ROBO2: variants seen among roughly 807,000 people sequenced by gnomAD.
ROBO2 encodes roundabout guidance receptor 2, also known as roundabout homolog 2.
Under a neutral mutation model 160.8 loss-of-function variants are expected in ROBO2, and 53 were observed. The ratio of observed to expected loss-of-function variants is 0.33; its 90% CI spans 0.26 to 0.41. The LOEUF is 0.41. Among genes scored for constraint, ROBO2 ranks in the 10% least tolerant of loss-of-function variants. ROBO2 has a pLI of 1.00. For synonymous variants in ROBO2, 664 were observed against 611.7 expected (o/e 1.09, Z -1.26); for missense variants, 1,577 against 1,722.4 (o/e 0.92, Z 1.49).
intron 2 of ROBO2, among the ~76,000 whole-genome samples, chr3:76,063,532 G>T (rs1398383102): frequency 4.0e-5 from 6 of 150,812 alleles, no homozygotes; most frequent in African/African-American, 1.2e-4. Flanking sequence ...TTTTTGTAGA[G>T]ATGAGACCTC....
intron 2 of ROBO2, among the ~76,000 whole-genome samples, chr3:76,969,930 C>A (rs1274507594): frequency 6.6e-6 from 1 of 152,056 alleles, no homozygotes; most frequent in African/African-American, 2.4e-5. Flanking sequence ...TTAAGAATAT[C>A]ATTGCAATAA....
intron 2 of ROBO2, among the ~76,000 whole-genome samples, chr3:77,204,426 A>G (rs891617197): frequency 6.6e-6 from 1 of 152,190 alleles, no homozygotes; most frequent in Non-Finnish European, 1.5e-5. Context: ...ATTAAGGTTC[A>G]GCTTTTTTTG....
chr3:76,915,267 T>G (rs2148954715), intron 2 of ROBO2, among the ~76,000 whole-genome samples: 1 of 152,258 alleles, frequency 6.6e-6, no homozygotes, highest in Non-Finnish European at 1.5e-5. Context: ...ATGTGTCAAA[T>G]ACATGAATGA....
intron 2 of ROBO2, among the ~76,000 whole-genome samples, chr3:76,489,214 G>C (rs1355335140): frequency 6.8e-6 from 1 of 147,068 alleles, no homozygotes; most frequent in Non-Finnish European, 1.5e-5. Flanking sequence ...CAGTGGCTCT[G>C]ATGAAAAAAT....
intron 2 of ROBO2, among the ~76,000 whole-genome samples, chr3:77,123,267 C>CTT (rs754482016): frequency 2.6e-5 from 4 of 152,054 alleles, no homozygotes; most frequent in Non-Finnish European, 4.4e-5. Flanking sequence ...AGATAATAAG[C>CTT]TATAAAAGGA....
At chr3:77,631,548 C>T (rs2153713216) in intron 23 of ROBO2, 1 of 152,214 alleles carries the variant, frequency 6.6e-6, no homozygotes, top group East Asian at 1.9e-4. Context: ...GGTATACCAA[C>T]ATAAATCTTG....
intron 2 of ROBO2, among the ~76,000 whole-genome samples, chr3:76,500,424 T>A (rs899611089): frequency 5.3e-5 from 8 of 152,148 alleles, no homozygotes; most frequent in Admixed American, 5.2e-4. Flanking sequence ...AATAGTTAAT[T>A]TTAAAGGAAA....
intron 2 of ROBO2, among the ~76,000 whole-genome samples, chr3:76,141,078 A>ATATATATATATATATATATATATATATAT (rs1559585714): frequency 1.7e-4 from 3 of 17,546 alleles, no homozygotes; most frequent in African/African-American, 4.9e-4. Flanking sequence ...TATATATATA[A>ATATATATATATATATATATATATATATAT]AATATATGTG....
At position 77,309,236 on chromosome 3, in the gene ROBO2, A is replaced by G. The variant is rs558344174; in HGVS notation, c.389-168178A>G. On this transcript the variant is annotated intron_variant, in intron 2 of 25. Coordinates refer to ENST00000461745, the Ensembl canonical transcript of ROBO2. ...CCAGTTGTTACTAAGCTTTACATAT[A>G]TATACTCACAATACATAAATACGTA... 8.5e-5 allele frequency among the ~76,000 whole-genome samples: 13 copies of G among 152,316 alleles called. No homozygotes were observed. The South Asian group carries it at 1.9e-3, about 22-fold the overall frequency.
intron 2 of ROBO2, among the ~76,000 whole-genome samples, chr3:76,392,277 A>G (rs753387925): frequency 2.0e-5 from 3 of 152,034 alleles, no homozygotes; most frequent in Non-Finnish European, 4.4e-5. Context: ...GGGGTATCTG[A>G]GTTTTGCTTT....
At chr3:77,117,222 A>T (rs62251796) in intron 2 of ROBO2, among the ~76,000 whole-genome samples, 1 of 152,056 alleles carries the variant, frequency 6.6e-6, no homozygotes, top group South Asian at 2.1e-4. Flanking sequence ...TTTTGGAAAC[A>T]ATGTGACATA....
rs150855383 is a variant in ROBO2 at position 76,336,531 on chromosome 3, T to G, written c.109+398929T>G. On this transcript the variant is annotated intron_variant, in intron 2 of 26. Coordinates refer to the ROBO2 transcript ENST00000487694. ...ACTAAATTTGAGGCATGATTAAATT[T>G]CCTTTTGAAGAATACTGCAGTGGCC... is the stretch of plus-strand genomic sequence containing the variant. 2.4e-4 allele frequency among the ~76,000 whole-genome samples: 36 copies of G among 152,336 alleles called. No individual in the cohort carries two copies. The East Asian group carries it at 6.2e-3, about 26-fold the overall frequency.
intron 5 of ROBO2, among the ~76,000 whole-genome samples, chr3:77,503,523 CTAAATAAATAAATAAATAAA>C (rs567091666): frequency 6.9e-6 from 1 of 144,502 alleles, no homozygotes; most frequent in South Asian, 2.2e-4. Flanking sequence ...GAGTCCGTCT[CTAAATAAATAAATAAATAAA>C]TAAATAAATA....
chr3:76,685,106 T>A (rs1330293043), intron 2 of ROBO2, among the ~76,000 whole-genome samples: 1 of 151,626 alleles, frequency 6.6e-6, no homozygotes, highest in Non-Finnish European at 1.5e-5. Context: ...TTAATTGGTA[T>A]AACCATAACT....
rs80006934 is a variant in ROBO2 at position 76,418,044 on chromosome 3, C to T, written c.109+480442C>T. 8.5e-4 allele frequency among the ~76,000 whole-genome samples: 129 copies of T among 151,922 alleles called. No individual in the cohort carries two copies. In the East Asian group the frequency reaches 0.02, roughly 24 times the overall value. On this transcript the variant is annotated intron_variant, in intron 2 of 26. Coordinates refer to the ROBO2 transcript ENST00000487694. ...AAAGCCAGTTAAGCTATGAAAATAACCTTAACTTTGCTTAAATTGTAAACA... is the reference window on the plus strand; with the variant it reads ...AAAGCCAGTTAAGCTATGAAAATAATCTTAACTTTGCTTAAATTGTAAACA...
intron 2 of ROBO2, among the ~76,000 whole-genome samples, chr3:76,754,698 C>T (rs1173848527): frequency 1.3e-5 from 2 of 151,806 alleles, no homozygotes; most frequent in Non-Finnish European, 2.9e-5. Context: ...ATAACTCATG[C>T]ATAGACGCCT....
At chr3:76,261,442 G>C (rs183038611) in intron 2 of ROBO2, among the ~76,000 whole-genome samples, 2 of 151,424 alleles carry the variant, frequency 1.3e-5, no homozygotes, top group Admixed American at 1.3e-4. Flanking sequence ...CCATTTTTTT[G>C]GGGGGGAACT....
intron 2 of ROBO2, among the ~76,000 whole-genome samples, chr3:76,820,139 A>G (rs530565533): frequency 6.6e-6 from 1 of 152,054 alleles, no homozygotes; most frequent in South Asian, 2.1e-4. Flanking sequence ...TCATGTACAC[A>G]TTTTGATTCA....
At chr3:77,215,545 G>T (rs2084812005) in intron 2 of ROBO2, among the ~76,000 whole-genome samples, 1 of 152,010 alleles carries the variant, frequency 6.6e-6, no homozygotes, top group Admixed American at 6.6e-5. Flanking sequence ...TTAGCTCAGA[G>T]TATTTGATCA....
Sources: allele counts gnomAD v4.1 joint callset (sites outside exome capture counted in the v4.1 genomes callset), GRCh38; gene constraint gnomAD v4.1.1; transcripts MANE v1.5; gene names NCBI Gene and HGNC (gene_info 2026-07-23, HGNC 2026-07-21).